Variants in RBFOX2 observed in about 807,000 individuals in gnomAD.
RBFOX2 encodes the protein RNA binding protein fox-1 homolog 2.
Under a neutral mutation model 49.1 loss-of-function variants are expected in RBFOX2, and 10 were observed. That is an observed-to-expected ratio of 0.20 (90% confidence interval 0.13 to 0.35). RBFOX2 has a LOEUF of 0.35. Ranked by LOEUF, RBFOX2 falls within the 10% of genes least tolerant of loss-of-function variation. RBFOX2 has a pLI of 1.00. For synonymous variants in RBFOX2, 183 were observed against 187.4 expected, an observed-to-expected ratio of 0.98 and a Z score of 0.19; for missense variants, 323 against 486.9, an observed-to-expected ratio of 0.66 and a Z score of 3.17.
intron 1 of RBFOX2, among the ~76,000 whole-genome samples, chr22:36,021,336 T>C (rs2059240823): frequency 1.3e-5 from 2 of 151,948 alleles, no homozygotes; most frequent in Admixed American, 1.3e-4. Flanking sequence ...ACATGGCACA[T>C]GTATACATAC....
chr22:35,827,450 C>T lies in RBFOX2; in HGVS notation c.27+12742G>A, dbSNP rs561031900. On this transcript the variant is annotated intron_variant, in intron 1 of 11. Coordinates refer to ENST00000405409, the Ensembl canonical transcript of RBFOX2. ...AGGTATTTCTGCTAATGACTTTTTTCCCCCCATTAATTTTATCAGTCCTAG... is the reference window on the plus strand; with the variant it reads ...AGGTATTTCTGCTAATGACTTTTTTTCCCCCATTAATTTTATCAGTCCTAG... 8.5e-5 allele frequency among the ~76,000 whole-genome samples: 13 copies of T among 152,138 alleles called. No individual in the cohort carries two copies. The South Asian group carries it at 2.5e-3, about 29-fold the overall frequency.
intron 1 of RBFOX2, among the ~76,000 whole-genome samples, chr22:35,950,001 G>C (rs889636685): frequency 3.3e-5 from 5 of 151,934 alleles, no homozygotes; most frequent in African/African-American, 1.2e-4. Context: ...CCAAGGTCAC[G>C]AGGATTTACT....
chr22:35,901,484 A>G (rs967067473), intron 1 of RBFOX2, among the ~76,000 whole-genome samples: 13 of 151,706 alleles, frequency 8.6e-5, no homozygotes, highest in African/African-American at 3.2e-4. Context: ...CTCTCATCTC[A>G]AGAAAAAAGT....
chr22:35,740,403 G>C (rs763548828), exon 12 of RBFOX2: 1 of 152,566 alleles, frequency 6.6e-6, no homozygotes, highest in Non-Finnish European at 1.5e-5. Context: ...ACATTTTCAA[G>C]AGCATGACAA....
chr22:35,918,134 G>A (rs939825065), intron 1 of RBFOX2, among the ~76,000 whole-genome samples: 1 of 152,196 alleles, frequency 6.6e-6, no homozygotes, highest in Non-Finnish European at 1.5e-5. Flanking sequence ...TTCAGTGTTA[G>A]GGCTGACATG....
intron 4 of RBFOX2, among the ~76,000 whole-genome samples, chr22:35,768,894 T>C (rs1602417162): frequency 3.3e-5 from 5 of 152,352 alleles, no homozygotes; most frequent in African/African-American, 1.2e-4. Flanking sequence ...CTGTTGCTTT[T>C]ATCACTATTA....
intron 1 of RBFOX2, among the ~76,000 whole-genome samples, chr22:35,949,371 C>G (rs894777927): frequency 3.3e-5 from 5 of 152,166 alleles, no homozygotes; most frequent in Admixed American, 3.3e-4. Flanking sequence ...CTATTCAAGT[C>G]CCTGCTTTCA....
intron 2 of RBFOX2, among the ~76,000 whole-genome samples, chr22:35,800,509 C>A (rs1949576052): frequency 6.6e-6 from 1 of 152,186 alleles, no homozygotes; most frequent in South Asian, 2.1e-4. Flanking sequence ...ATGCTTTTAT[C>A]CCGAGGCATT....
chr22:35,809,659 TA>T, intron 2 of RBFOX2, 120 bp downstream of exon 3: 2 of 1,081,900 alleles, frequency 1.8e-6, no homozygotes, highest in Non-Finnish European at 1.4e-6. Flanking sequence ...AGAGAAGGTG[TA>T]AATGAGAACA....
At chr22:35,877,288 AG>A (rs1232647760) in intron 1 of RBFOX2, among the ~76,000 whole-genome samples, 16 of 152,202 alleles carry the variant, frequency 1.1e-4, no homozygotes, top group African/African-American at 3.9e-4. Context: ...GAAGGGAGAA[AG>A]GAAGAGAAAA....
intron 1 of RBFOX2, among the ~76,000 whole-genome samples, chr22:36,002,973 A>G (rs968265997): frequency 6.6e-5 from 10 of 152,280 alleles, no homozygotes; most frequent in Non-Finnish European, 1.2e-4. Flanking sequence ...AGTTTTTCCA[A>G]TCGCTAACTT....
chr22:35,970,593 C>A (rs1156792789), intron 1 of RBFOX2, among the ~76,000 whole-genome samples: 2 of 151,818 alleles, frequency 1.3e-5, no homozygotes, highest in East Asian at 3.9e-4. Flanking sequence ...CCCAGGAGCT[C>A]GGGACTGCAG....
At chr22:35,848,342 C>T (rs1157360284) in intron 1 of RBFOX2, among the ~76,000 whole-genome samples, 4 of 151,956 alleles carry the variant, frequency 2.6e-5, no homozygotes, top group South Asian at 2.1e-4. Flanking sequence ...ACCTCATTAT[C>T]GTAAATATAA....
intron 1 of RBFOX2, among the ~76,000 whole-genome samples, chr22:35,863,206 C>A (rs2043294398): frequency 1.3e-5 from 2 of 151,832 alleles, no homozygotes; most frequent in African/African-American, 2.4e-5. Context: ...GTTATTTTTG[C>A]AAATATTTGT....
chr22:35,985,821 T>A (rs1326412608), intron 1 of RBFOX2, among the ~76,000 whole-genome samples: 1 of 151,884 alleles, frequency 6.6e-6, no homozygotes, highest in Non-Finnish European at 1.5e-5. Context: ...GGTGGGAGGA[T>A]CACTGGAGCC....
intron 1 of RBFOX2, among the ~76,000 whole-genome samples, chr22:35,899,212 G>A (rs1407561584): frequency 6.8e-6 from 1 of 146,686 alleles, no homozygotes; most frequent in Non-Finnish European, 1.5e-5. Context: ...AAATATAAAA[G>A]ACATACCCTG....
chr22:35,884,726 G>C (rs1194950090), intron 1 of RBFOX2, among the ~76,000 whole-genome samples: 1 of 152,176 alleles, frequency 6.6e-6, no homozygotes, highest in East Asian at 1.9e-4. Context: ...CAGCCTATAA[G>C]GGGAAGATAA....
chr22:36,012,589 T>C (rs751740269), intron 1 of RBFOX2, among the ~76,000 whole-genome samples: 1 of 151,734 alleles, frequency 6.6e-6, no homozygotes, highest in Non-Finnish European at 1.5e-5. Context: ...ACTAAGAATA[T>C]CTCTTAAAAA....
chr22:35,768,377 AC>A (rs1167711772), intron 4 of RBFOX2, 28 bp from the exon 6 acceptor site: 2 of 1,566,926 alleles, frequency 1.3e-6, no homozygotes, highest in Non-Finnish European at 1.8e-6. Context: ...AGGGGGGAAA[AC>A]ATGCACATCG....
Sources: gnomAD v4.1 joint callset for allele counts (sites outside exome capture counted in the v4.1 genomes callset) on GRCh38, gnomAD v4.1.1 for gene constraint, MANE v1.5 for transcripts, NCBI Gene and HGNC (gene_info 2026-07-23, HGNC 2026-07-21) for gene names.